Variants in ADAMTSL3 observed in about 807,000 individuals in gnomAD.
ADAMTSL3 encodes ADAMTS like 3.
A neutral mutation model predicts 201.7 loss-of-function variants in ADAMTSL3; 128 were observed. The ratio of observed to expected loss-of-function variants is 0.63; its 90% CI spans 0.55 to 0.73. The LOEUF (loss-of-function observed/expected upper bound fraction) is 0.73, where lower values mean the gene tolerates loss of function less well. Among genes scored for constraint, ADAMTSL3 ranks in the 30% least tolerant of loss-of-function variants. The pLI is 0.00. For missense variants in ADAMTSL3, 1,990 were observed against 2,119.6 expected (o/e 0.94, Z 1.20); for synonymous variants, 738 against 748.4 (o/e 0.99, Z 0.23).
In ADAMTSL3 at chr15:83,669,169, G is replaced by A. The variant is rs1290511830; in HGVS notation, c.69+13339G>A. 3.3e-5 allele frequency among the ~76,000 whole-genome samples: 5 copies of A among 152,114 alleles called. No homozygotes were observed. In the East Asian group the frequency reaches 5.8e-4, roughly 18 times the overall value. ...GAGTATTTATTTATTTTTTTTAGAC[G>A]GAGTCTCACTCGGCTGCCCAGCCTG... is the stretch of plus-strand genomic sequence containing the variant. On this transcript the variant is annotated intron_variant, in intron 2 of 29. Coordinates refer to ENST00000286744, the MANE Select transcript of ADAMTSL3 (RefSeq NM_207517.3).
intron 3 of ADAMTSL3, among the ~76,000 whole-genome samples, chr15:83,726,865 T>C (rs1030928613): frequency 2.0e-5 from 3 of 151,938 alleles, no homozygotes; most frequent in Non-Finnish European, 2.9e-5. Flanking sequence ...TTTTTCTTTT[T>C]TTTTTGTGTC....
At chr15:83,850,549 G>A (rs1057366593) in intron 7 of ADAMTSL3, among the ~76,000 whole-genome samples, 12 of 150,804 alleles carry the variant, frequency 8.0e-5, no homozygotes, top group East Asian at 1.9e-4. Flanking sequence ...TTTTAATCAC[G>A]TCTCCAGCTA....
intron 3 of ADAMTSL3, among the ~76,000 whole-genome samples, chr15:83,755,581 C>G (rs1382705436): frequency 6.6e-6 from 1 of 152,168 alleles, no homozygotes; most frequent in African/African-American, 2.4e-5. Context: ...ATGTTGTAGC[C>G]TGTGCCCGAA....
chr15:83,683,340 T>G (rs72761831), intron 2 of ADAMTSL3, among the ~76,000 whole-genome samples: 9,546 of 152,274 alleles, frequency 0.063, 416 homozygotes, highest in Non-Finnish European at 0.1. Context: ...CAGTCCTTCC[T>G]CCCTGCTCCT....
chr15:83,763,565 C>T (rs1486234758), intron 3 of ADAMTSL3, among the ~76,000 whole-genome samples: 1 of 149,634 alleles, frequency 6.7e-6, no homozygotes, highest in Non-Finnish European at 1.5e-5. Context: ...AGTGCAATGG[C>T]ACGATCTCGG....
intron 14 of ADAMTSL3, among the ~76,000 whole-genome samples, chr15:83,899,192 T>G (rs908664593): frequency 2.6e-5 from 4 of 152,234 alleles, no homozygotes; most frequent in African/African-American, 9.6e-5. Context: ...AGTAAAAGTC[T>G]GAGTAAACTA....
chr15:83,961,310 T>A (rs12914184), intron 19 of ADAMTSL3, among the ~76,000 whole-genome samples: 21,143 of 152,098 alleles, frequency 0.14, 1,905 homozygotes, highest in Middle Eastern at 0.34. Flanking sequence ...TTAGTGGCCA[T>A]AAGGGATATG....
intron 16 of ADAMTSL3, among the ~76,000 whole-genome samples, chr15:83,916,697 G>C (rs1391103204): frequency 6.6e-6 from 1 of 152,058 alleles, no homozygotes; most frequent in Non-Finnish European, 1.5e-5. Context: ...TGTAATTCCA[G>C]ACCTTTGGGA....
chr15:83,927,145 C>T (rs560546995), intron 17 of ADAMTSL3, among the ~76,000 whole-genome samples: 2 of 149,442 alleles, frequency 1.3e-5, no homozygotes, highest in South Asian at 4.3e-4. Flanking sequence ...GAGACGGAGT[C>T]TCACTCTGTT....
At chr15:83,864,043 C>T (rs963860628) in intron 8 of ADAMTSL3, among the ~76,000 whole-genome samples, 2 of 152,138 alleles carry the variant, frequency 1.3e-5, no homozygotes, top group Non-Finnish European at 2.9e-5. Context: ...GATATATACA[C>T]CCTCCCAAGA....
chr15:83,819,254 A>G (rs1219578050), intron 5 of ADAMTSL3, among the ~76,000 whole-genome samples: 2 of 129,248 alleles, frequency 1.5e-5, no homozygotes, highest in Non-Finnish European at 3.2e-5. Flanking sequence ...ACAGAGTGAC[A>G]CTCCGTCTCA....
At chr15:83,792,293 T>C (rs2063356778) in intron 4 of ADAMTSL3, among the ~76,000 whole-genome samples, 2 of 151,984 alleles carry the variant, frequency 1.3e-5, no homozygotes, top group Non-Finnish European at 2.9e-5. Flanking sequence ...GAACAAATGC[T>C]CAACATCAGT....
At chr15:84,017,148 C>T (rs1302125341) in intron 25 of ADAMTSL3, among the ~76,000 whole-genome samples, 2 of 152,136 alleles carry the variant, frequency 1.3e-5, no homozygotes, top group Non-Finnish European at 2.9e-5. Flanking sequence ...GACAGAATCT[C>T]GCTCTGCCTC....
chr15:83,903,950 A>AGGGAGGG lies in ADAMTSL3; in HGVS notation c.1700+4219_1700+4220insGGGAGGG, dbSNP rs1567226158. On this transcript the variant is annotated intron_variant, in intron 15 of 29. Transcript: ENST00000286744. Reference sequence around the variant, plus strand: ...AAAAAAAAAAAAAAAAAAAAGAAAAAAGAAAGAAAGAAAGAAAGAAAAGGA... The same window carrying AGGGAGGG: ...AAAAAAAAAAAAAAAAAAAAGAAAAAGGGAGGGAGAAAGAAAGAAAGAAAGAAAAGGA... Among the ~76,000 whole-genome samples the AGGGAGGG allele has an allele frequency of 3.2e-4, 13 of 40,336 alleles. 2 individuals carry two copies. Among genetic ancestry groups the AGGGAGGG allele is most frequent in the East Asian group, 1.3e-3 (1 of 744 alleles). 26.5% of individuals were successfully genotyped at this position (40,336 alleles called of 152,430 possible). A position where few individuals can be genotyped will look rare whatever the true frequency, so the allele number is the denominator to read the frequency against.
chr15:83,704,273 T>C (rs2061817357), intron 2 of ADAMTSL3, 116 bp from the exon 3 acceptor site: 3 of 1,480,560 alleles, frequency 2.0e-6, no homozygotes. Context: ...ACTTCCCTTT[T>C]TGTTTCTTGG....
chr15:83,949,569 T>C (rs2066721060), intron 19 of ADAMTSL3, among the ~76,000 whole-genome samples: 1 of 152,156 alleles, frequency 6.6e-6, no homozygotes, highest in African/African-American at 2.4e-5. Context: ...ATTTTTAGTT[T>C]TTTGAGGAAC....
intron 13 of ADAMTSL3, among the ~76,000 whole-genome samples, chr15:83,894,903 C>T (rs1018528023): frequency 7.2e-5 from 11 of 151,966 alleles, no homozygotes; most frequent in African/African-American, 1.5e-4. Context: ...CTTAGTTCAT[C>T]GTGTACATGC....
At chr15:83,695,453 G>A (rs2061675743) in intron 2 of ADAMTSL3, among the ~76,000 whole-genome samples, 1 of 151,944 alleles carries the variant, frequency 6.6e-6, no homozygotes, top group Non-Finnish European at 1.5e-5. Context: ...CTGAGTAAGG[G>A]AAGCACTCGC....
chr15:83,970,779 G>T, intron 20 of ADAMTSL3, 142 bp downstream of exon 20: 2 of 1,059,980 alleles, frequency 1.9e-6, no homozygotes, highest in Non-Finnish European at 2.7e-6. Context: ...TTTCGGCAGC[G>T]ATCAGTAGAA....
Sources: gnomAD v4.1 joint callset for allele counts (sites outside exome capture counted in the v4.1 genomes callset) on GRCh38, gnomAD v4.1.1 for gene constraint, MANE v1.5 for transcripts, NCBI Gene and HGNC (gene_info 2026-07-23, HGNC 2026-07-21) for gene names.